Variants in PTPRD observed in about 807,000 individuals in gnomAD.
PTPRD encodes protein tyrosine phosphatase receptor type D, also known as receptor-type tyrosine-protein phosphatase delta.
In PTPRD, 34 loss-of-function variants were observed where a neutral mutation model predicts 214.5. The ratio of observed to expected loss-of-function variants is 0.16; its 90% CI spans 0.12 to 0.21. The LOEUF (loss-of-function observed/expected upper bound fraction) is 0.21, where lower values mean the gene tolerates loss of function less well. Ranked by LOEUF, PTPRD falls within the 10% of genes least tolerant of loss-of-function variation. The pLI is 1.00. For missense variants in PTPRD, 2,545 were observed against 2,398.7 expected (o/e 1.06, Z -1.27); for synonymous variants, 1,128 against 845.7 (o/e 1.33, Z -5.79).
chr9:8,934,494 A>AAATAT, intron 11 of PTPRD, among the ~76,000 whole-genome samples: 1 of 7,434 alleles, frequency 1.3e-4, no homozygotes, highest in South Asian at 5.7e-3. Flanking sequence ...TATATATATA[A>AAATAT]ATATATATAT....
chr9:9,370,116 A>G, intron 9 of PTPRD, among the ~76,000 whole-genome samples: 2 of 152,152 alleles, frequency 1.3e-5, no homozygotes, highest in Non-Finnish European at 1.5e-5. Flanking sequence ...TTCCATATGA[A>G]CTTTAAAGTA....
chr9:9,977,304 A>C (rs2095391658), intron 4 of PTPRD, among the ~76,000 whole-genome samples: 1 of 152,136 alleles, frequency 6.6e-6, no homozygotes, highest in South Asian at 2.1e-4. Flanking sequence ...AGAAAGTAAA[A>C]CAGTTTTTGG....
chr9:9,053,861 A>G (rs1313575528), intron 10 of PTPRD, among the ~76,000 whole-genome samples: 2 of 152,190 alleles, frequency 1.3e-5, no homozygotes, highest in South Asian at 2.1e-4. Context: ...ATCTTTTGTT[A>G]TGGATTGAAG....
chr9:8,817,207 A>G (rs1450371409), intron 11 of PTPRD, among the ~76,000 whole-genome samples: 4 of 152,246 alleles, frequency 2.6e-5, no homozygotes, highest in Admixed American at 1.3e-4. Flanking sequence ...ACTTCTTAAA[A>G]GCAAAACAAC....
intron 2 of PTPRD, among the ~76,000 whole-genome samples, chr9:10,487,214 C>A (rs1230151498): frequency 6.6e-6 from 1 of 152,044 alleles, no homozygotes; most frequent in East Asian, 1.9e-4. Context: ...TTCTTATAGG[C>A]AACAGATCAT....
intron 39 of PTPRD, among the ~76,000 whole-genome samples, chr9:8,352,420 T>C (rs1265067531): frequency 6.6e-6 from 1 of 152,170 alleles, no homozygotes; most frequent in African/African-American, 2.4e-5. Context: ...GAGATTTTCC[T>C]TGTAAACCAT....
At chr9:9,357,100 T>C (rs1370287396) in intron 9 of PTPRD, among the ~76,000 whole-genome samples, 4 of 151,348 alleles carry the variant, frequency 2.6e-5, no homozygotes, top group Non-Finnish European at 4.4e-5. Flanking sequence ...CCTAATTCTG[T>C]TCTAAATATA....
intron 33 of PTPRD, among the ~76,000 whole-genome samples, chr9:8,452,355 A>G (rs949667179): frequency 6.6e-5 from 10 of 152,316 alleles, no homozygotes; most frequent in African/African-American, 2.4e-4. Context: ...CACAGAAACC[A>G]TTTCTAGGAA....
intron 8 of PTPRD, among the ~76,000 whole-genome samples, chr9:9,426,961 C>T (rs2081201268): frequency 6.6e-6 from 1 of 152,252 alleles, no homozygotes; most frequent in South Asian, 2.1e-4. Flanking sequence ...GGGGAAAAAA[C>T]AGAGCAGAAA....
intron 3 of PTPRD, among the ~76,000 whole-genome samples, chr9:10,156,381 T>C (rs2099093720): frequency 6.6e-6 from 1 of 152,136 alleles, no homozygotes; most frequent in Non-Finnish European, 1.5e-5. Flanking sequence ...TCTCCCTTAA[T>C]TTTATTATTT....
chr9:10,440,590 G>A lies in PTPRD; in HGVS notation c.-599-99573C>T, dbSNP rs146316374. Among the ~76,000 whole-genome samples the A allele has an allele frequency of 8.6e-5, 13 of 151,880 alleles. No individual in the cohort carries two copies. In the East Asian group the frequency reaches 2.5e-3, roughly 29 times the overall value. ...AAAACAGCAGAGGCGCTGGTGAGAA[G>A]GGGTTAAAATCAGGAACCACAGCAA... is the stretch of plus-strand genomic sequence containing the variant. On this transcript the variant is annotated intron_variant, in intron 2 of 45. Coordinates refer to ENST00000381196, the MANE Select transcript of PTPRD (RefSeq NM_002839.4).
At chr9:9,843,526 T>G (rs994637137) in intron 5 of PTPRD, among the ~76,000 whole-genome samples, 4 of 151,918 alleles carry the variant, frequency 2.6e-5, no homozygotes, top group Admixed American at 6.6e-5. Flanking sequence ...ATAAGAATTA[T>G]AATACCTGCA....
chr9:9,920,074 A>C (rs1379441871), intron 5 of PTPRD, among the ~76,000 whole-genome samples: 1 of 152,206 alleles, frequency 6.6e-6, no homozygotes, highest in Non-Finnish European at 1.5e-5. Context: ...GCAATTTTCA[A>C]ATTTCTTAGA....
intron 14 of PTPRD, among the ~76,000 whole-genome samples, chr9:8,574,980 C>T (rs147895976): frequency 4.7e-4 from 71 of 152,146 alleles, no homozygotes; most frequent in African/African-American, 1.6e-3. Flanking sequence ...CAAATTAATT[C>T]AACCTTGGCA....
At chr9:9,778,790 A>G (rs1203514587) in intron 5 of PTPRD, among the ~76,000 whole-genome samples, 1 of 152,146 alleles carries the variant, frequency 6.6e-6, no homozygotes, top group African/African-American at 2.4e-5. Flanking sequence ...GCTATGGCAC[A>G]AAGTATGGGA....
chr9:9,383,404 C>A (rs2062910901), intron 9 of PTPRD, among the ~76,000 whole-genome samples: 1 of 151,972 alleles, frequency 6.6e-6, no homozygotes, highest in South Asian at 2.1e-4. Flanking sequence ...ATGTTATATC[C>A]TTAAGAGAAT....
rs762404042 is a variant in PTPRD at position 8,341,813 on chromosome 9, C to G, written c.4827G>C (p.Leu1609=). The stretch of plus-strand genomic sequence containing the variant: ...TATTTCCACAAGTCACTGCTTCTAA[C>G]AGTGCATCATGGATAAAGATGTATT... The part of the protein sequence containing the change: ...EDQYIFIHDA[L]LEAVTCGNTE... Residue 1609 remains leucine, a synonymous_variant, in exon 40 of 46, where the codon CTG becomes CTC. Coordinates refer to ENST00000381196, the MANE Select transcript of PTPRD (RefSeq NM_002839.4). 4 of 1,613,598 alleles carry G rather than the reference C, an allele frequency of 2.5e-6. No homozygotes were observed. The East Asian group carries it at 8.9e-5, about 36-fold the overall frequency.
At chr9:8,798,437 G>A (rs1027461105) in intron 11 of PTPRD, among the ~76,000 whole-genome samples, 2 of 152,074 alleles carry the variant, frequency 1.3e-5, no homozygotes, top group East Asian at 1.9e-4. Flanking sequence ...TGGGTTTGCT[G>A]GCCTAAGCAC....
chr9:9,096,619 T>C (rs1336480708), intron 10 of PTPRD, among the ~76,000 whole-genome samples: 1 of 152,320 alleles, frequency 6.6e-6, no homozygotes, highest in African/African-American at 2.4e-5. Context: ...CAAGGTTACA[T>C]AGAGATTATC....
Sources: gnomAD v4.1 joint callset for allele counts (sites outside exome capture counted in the v4.1 genomes callset) on GRCh38, gnomAD v4.1.1 for gene constraint, MANE v1.5 for transcripts, NCBI Gene and HGNC (gene_info 2026-07-23, HGNC 2026-07-21) for gene names.